The following THRAP3 variants were observed in gnomAD, a reference collection of about 807,000 sequenced individuals.
THRAP3 encodes the protein thyroid hormone receptor-associated protein 3.
THRAP3 carries 16 observed loss-of-function variants against 101.0 expected under a neutral mutation model. The observed-to-expected ratio is 0.16, with a 90% CI of 0.11 to 0.24. THRAP3 has a LOEUF of 0.24. THRAP3 is among the 10% of genes least tolerant of loss of function. The pLI, the probability that THRAP3 is intolerant of heterozygous loss-of-function variation, is 1.00. For missense variants in THRAP3, 989 were observed against 1,202.7 expected (o/e 0.82, Z 2.63); for synonymous variants, 407 against 422.6 (o/e 0.96, Z 0.45).
At chr1:36,277,528 CAG>C (rs1437464160) in intron 2 of THRAP3, among the ~76,000 whole-genome samples, 1 of 148,440 alleles carries the variant, frequency 6.7e-6, no homozygotes, top group Non-Finnish European at 1.5e-5. Flanking sequence ...ATTTTGGAGA[CAG>C]ATAACGTGCT....
At chr1:36,255,205 A>T (rs1038886583) in intron 1 of THRAP3, among the ~76,000 whole-genome samples, 13 of 152,140 alleles carry the variant, frequency 8.5e-5, no homozygotes, top group Admixed American at 1.3e-4. Context: ...TGCTTTTGAA[A>T]CAAGAACACA....
intron 1 of THRAP3, among the ~76,000 whole-genome samples, chr1:36,226,034 C>T (rs750644159): frequency 4.6e-5 from 7 of 151,456 alleles, no homozygotes; most frequent in South Asian, 2.1e-4. Context: ...AGGTACAGTT[C>T]AATTTTAGCA....
intron 4 of THRAP3, chr1:36,288,302 C>A (rs559532024): frequency 8.3e-6 from 7 of 840,252 alleles, no homozygotes; most frequent in Non-Finnish European, 1.0e-5. Flanking sequence ...TTTATCCTTG[C>A]CCCCTCCCAT....
chr1:36,225,384 T>G (rs2124314584), intron 1 of THRAP3: 1 of 152,300 alleles, frequency 6.6e-6, no homozygotes, highest in Non-Finnish European at 1.5e-5. Context: ...TGGGTTTAAA[T>G]CTTGGCCCTG....
intron 2 of THRAP3, among the ~76,000 whole-genome samples, chr1:36,270,815 G>A (rs1259567409): frequency 6.6e-6 from 1 of 152,030 alleles, no homozygotes; most frequent in Non-Finnish European, 1.5e-5. Flanking sequence ...GACCTCAGGT[G>A]ATCCGCCTGC....
chr1:36,298,565 C>T (rs924989209), intron 9 of THRAP3, among the ~76,000 whole-genome samples: 1 of 151,570 alleles, frequency 6.6e-6, no homozygotes, highest in Non-Finnish European at 1.5e-5. Flanking sequence ...ACGATCATAG[C>T]TCACGGCATC....
chr1:36,269,025 C>T (rs987193554), intron 2 of THRAP3, among the ~76,000 whole-genome samples: 2 of 152,300 alleles, frequency 1.3e-5, no homozygotes, highest in Non-Finnish European at 2.9e-5. Context: ...CGCGCCCAGC[C>T]GAGTTAGTTT....
At chr1:36,240,138 A>T (rs1391449315) in intron 1 of THRAP3, among the ~76,000 whole-genome samples, 1 of 152,186 alleles carries the variant, frequency 6.6e-6, no homozygotes, top group Non-Finnish European at 1.5e-5. Flanking sequence ...TATATGTATA[A>T]ATAAAAGTGA....
chr1:36,289,387 CAT>C lies in THRAP3; in HGVS notation c.1370_1371del (p.Ile457ArgfsTer61), dbSNP rs1231073334. The C allele has an allele frequency of 6.2e-7, 1 of 1,613,994 alleles. No individual in the cohort carries two copies. Among genetic ancestry groups the C allele is most frequent in the Non-Finnish European group, 8.5e-7 (1 of 1,180,038 alleles). ...DDEPKFMSKV[I>X]GANKNQEEEK... ...ATGAACCCAAATTTATGTCTAAAGT[CAT>C]AGGTGCAAACAAAAACCAGGAGGAG... On this transcript the variant is annotated frameshift_variant, in exon 5 of 12. Coordinates refer to ENST00000354618, the MANE Select transcript of THRAP3 (RefSeq NM_005119.4). LOFTEE classifies it high-confidence loss of function.
At chr1:36,301,947 T>G (rs1464024371) in intron 11 of THRAP3, among the ~76,000 whole-genome samples, 1 of 152,222 alleles carries the variant, frequency 6.6e-6, no homozygotes, top group Non-Finnish European at 1.5e-5. Context: ...GTCTTGTCTT[T>G]TTAGTCTATG....
At chr1:36,242,315 C>T (rs1645170610) in intron 1 of THRAP3, among the ~76,000 whole-genome samples, 1 of 151,946 alleles carries the variant, frequency 6.6e-6, no homozygotes, top group Admixed American at 6.6e-5. Context: ...TGATGCCTGG[C>T]TAATTTTCTT....
intron 4 of THRAP3, chr1:36,288,624 T>TAC: frequency 1.0e-6 from 1 of 985,474 alleles, no homozygotes; most frequent in Non-Finnish European, 1.2e-6. Context: ...TTTCCAAATG[T>TAC]GAGTTGTATA....
chr1:36,252,928 A>ATATG (rs1491580222), intron 1 of THRAP3, among the ~76,000 whole-genome samples: 1 of 5,052 alleles, frequency 2.0e-4, no homozygotes, highest in Non-Finnish European at 4.3e-4. Flanking sequence ...ATAGATAGGC[A>ATATG]TATATATATA....
chr1:36,244,270 A>G (rs1478622300), intron 1 of THRAP3, among the ~76,000 whole-genome samples: 4 of 152,182 alleles, frequency 2.6e-5, no homozygotes, highest in Admixed American at 6.5e-5. Flanking sequence ...TTAATTTTCT[A>G]AAGATTTCCA....
rs1429004274 is a variant in THRAP3 at position 36,276,514 on chromosome 1, ACT to A, written c.-31-6016_-31-6015del. Among the ~76,000 whole-genome samples the A allele has an allele frequency of 2.8e-5, 3 of 105,816 alleles. No homozygotes were observed. The Admixed American group carries it at 3.3e-4, about 12-fold the overall frequency. 69.4% of individuals were successfully genotyped at this position (105,816 alleles called of 152,430 possible). Reference sequence around the variant, plus strand: ...ACTCCAGCCTGGGCAACAGAGCCAGACTCTGTCTCAAAAAAAAAAAAAAAAAA... The same window carrying A: ...ACTCCAGCCTGGGCAACAGAGCCAGACTGTCTCAAAAAAAAAAAAAAAAAA... On this transcript the variant is annotated intron_variant, in intron 2 of 11. Coordinates refer to ENST00000354618, the MANE Select transcript of THRAP3 (RefSeq NM_005119.4).
intron 1 of THRAP3, among the ~76,000 whole-genome samples, chr1:36,228,602 G>T (rs555103773): frequency 1.3e-5 from 2 of 152,262 alleles, no homozygotes; most frequent in East Asian, 3.9e-4. Flanking sequence ...TGATCCAACG[G>T]GCTCGGCCTT....
intron 1 of THRAP3, among the ~76,000 whole-genome samples, chr1:36,233,535 T>A (rs1440426965): frequency 6.6e-6 from 1 of 150,760 alleles, no homozygotes; most frequent in Non-Finnish European, 1.5e-5. Flanking sequence ...AAAGTTGATT[T>A]AAGGCTGGGC....
At chr1:36,302,015 A>G (rs1035989107) in intron 11 of THRAP3, among the ~76,000 whole-genome samples, 25 of 152,212 alleles carry the variant, frequency 1.6e-4, no homozygotes, top group African/African-American at 5.5e-4. Flanking sequence ...CTGTGGATAC[A>G]GCCATAACCC....
At position 36,287,430 on chromosome 1, in the gene THRAP3, CTTTAGG is replaced by C. The variant is rs1645810929; in HGVS notation, c.1040+163_1040+168del. Reference sequence around the variant, plus strand: ...CATTAAAAGCATCACCCAAGGAAACCTTTAGGTTAACTCTAGCTTTCCTACCTTCCT... The same window carrying C: ...CATTAAAAGCATCACCCAAGGAAACCTTAACTCTAGCTTTCCTACCTTCCT... On this transcript the variant is annotated intron_variant, in intron 4 of 11. Transcript: ENST00000354618. 14 of 983,880 alleles carry C rather than the reference CTTTAGG, an allele frequency of 1.4e-5. No individual in the cohort carries two copies. The South Asian group carries it at 6.6e-4, about 46-fold the overall frequency. 60.9% of individuals were successfully genotyped at this position (983,880 alleles called of 1,614,324 possible).
Sources: allele counts gnomAD v4.1 joint callset (sites outside exome capture counted in the v4.1 genomes callset), GRCh38; gene constraint gnomAD v4.1.1; transcripts MANE v1.5; gene names NCBI Gene and HGNC (gene_info 2026-07-23, HGNC 2026-07-21).